The following SCN1A variants were observed in gnomAD, a reference collection of about 807,000 sequenced individuals.
The protein encoded by SCN1A is sodium voltage-gated channel alpha subunit 1.
SCN1A carries 13 observed loss-of-function variants against 193.7 expected under a neutral mutation model. That is an observed-to-expected ratio of 0.07 (90% CI 0.04 to 0.11). SCN1A has a LOEUF of 0.11. Ranked by LOEUF, SCN1A falls within the 10% of genes least tolerant of loss-of-function variation. SCN1A has a pLI of 1.00. For synonymous variants in SCN1A, 781 were observed against 843.6 expected (o/e 0.93, Z 1.29); for missense variants, 1,432 against 2,451.1 (o/e 0.58, Z 8.78).
chr2:166,079,111 A>G (rs1307544048), intron 2 of SCN1A, among the ~76,000 whole-genome samples: 1 of 151,648 alleles, frequency 6.6e-6, no homozygotes, highest in African/African-American at 2.4e-5. Context: ...TTATGCCTCA[A>G]TTATATTGAT....
intron 19 of SCN1A, among the ~76,000 whole-genome samples, chr2:166,026,564 T>C (rs1476274725): frequency 6.6e-6 from 1 of 152,188 alleles, no homozygotes; most frequent in African/African-American, 2.4e-5. Context: ...AATTAATTTT[T>C]CCTTTTTTGT....
intron 2 of SCN1A, among the ~76,000 whole-genome samples, chr2:166,099,546 C>G (rs1351727709): frequency 4.8e-4 from 58 of 120,718 alleles, no homozygotes; most frequent in African/African-American, 1.7e-3. Context: ...AAAGGGTATT[C>G]AATTAGGAAA....
chr2:166,012,872 C>G (rs1692722008), intron 21 of SCN1A, among the ~76,000 whole-genome samples: 2 of 150,958 alleles, frequency 1.3e-5, no homozygotes, highest in Admixed American at 6.6e-5. Flanking sequence ...TTATGAACCT[C>G]TCGATGTTTC....
At chr2:166,107,589 A>G (rs2106178725) in intron 2 of SCN1A, among the ~76,000 whole-genome samples, 1 of 152,326 alleles carries the variant, frequency 6.6e-6, no homozygotes, top group Non-Finnish European at 1.5e-5. Context: ...TAGATATCTG[A>G]CACATGTAAA....
At chr2:166,125,252 A>G (rs1418462582) in intron 2 of SCN1A, among the ~76,000 whole-genome samples, 1 of 152,186 alleles carries the variant, frequency 6.6e-6, no homozygotes, top group African/African-American at 2.4e-5. Context: ...ATTCTCTCCC[A>G]TCCTTCTCTG....
chr2:166,129,801 C>G (rs62177989), upstream of SCN1A, among the ~76,000 whole-genome samples: 68 of 152,188 alleles, frequency 4.5e-4, no homozygotes, highest in Admixed American at 1.8e-3. Flanking sequence ...ATTATAGGTG[C>G]CAATTTTTCT....
intron 19 of SCN1A, among the ~76,000 whole-genome samples, chr2:166,026,574 T>G (rs1168688660): frequency 6.6e-6 from 1 of 152,136 alleles, no homozygotes; most frequent in African/African-American, 2.4e-5. Context: ...TCCTTTTTTG[T>G]TCTTAGATTG....
chr2:166,027,629 TG>T (rs1360081828), intron 19 of SCN1A, among the ~76,000 whole-genome samples: 1 of 151,344 alleles, frequency 6.6e-6, no homozygotes, highest in Non-Finnish European at 1.5e-5. Context: ...AACATACACA[TG>T]TATATATTTA....
Position 166,043,692 on chromosome 2 carries a change from C to G in SCN1A, c.2020G>C (p.Asp674His), listed in dbSNP as rs1574214734. Residue 674 changes from aspartate (D) to histidine (H), a missense_variant, in exon 14 of 29, where the codon GAT becomes CAT. This residue lies in a region of SCN1A where 316 missense variants were observed against 362.1 expected (regional missense o/e 0.87). Coordinates refer to ENST00000674923, the MANE Select transcript of SCN1A (RefSeq NM_001165963.4). ...ACATTGTCATCAGTAGCTGGCTTAT[C>G]TATTATCACCTCTGGCAGAAGCTGT... ...VGQLLPEVII[D>H]KPATDDNGTT... The G allele has an allele frequency of 6.2e-7, 1 of 1,614,074 alleles. No homozygotes were observed. The highest frequency in any genetic ancestry group is 1.3e-5 in the African/African-American group (1 of 75,032).
chr2:166,138,005 T>A (rs1172838403), intron 1 of SCN1A, among the ~76,000 whole-genome samples: 1 of 152,192 alleles, frequency 6.6e-6, no homozygotes, highest in Non-Finnish European at 1.5e-5. Flanking sequence ...GCAAAGAGAC[T>A]GGTGGCATTT....
At chr2:166,094,461 A>G (rs1454750657) in intron 2 of SCN1A, among the ~76,000 whole-genome samples, 3 of 152,236 alleles carry the variant, frequency 2.0e-5, no homozygotes, top group Non-Finnish European at 4.4e-5. Context: ...TCACAGTTTT[A>G]TATGTCATTA....
chr2:165,997,969 T>C (rs1690307224), intron 26 of SCN1A, 69 bp downstream of exon 26: 10 of 1,275,726 alleles, frequency 7.8e-6, no homozygotes, highest in Non-Finnish European at 8.0e-6. Context: ...AAGTACTCAT[T>C]TGGCAGAGAA....
intron 2 of SCN1A, among the ~76,000 whole-genome samples, chr2:166,093,989 C>A (rs1479836211): frequency 6.6e-6 from 1 of 152,088 alleles, no homozygotes; most frequent in East Asian, 1.9e-4. Flanking sequence ...CATTGAGAAA[C>A]TGAGTCATTC....
At chr2:166,142,708 A>G (rs1194702209) in intron 1 of SCN1A, among the ~76,000 whole-genome samples, 1 of 152,174 alleles carries the variant, frequency 6.6e-6, no homozygotes, top group African/African-American at 2.4e-5. Flanking sequence ...TCACTGTTTC[A>G]CTTGCTGATA....
intron 2 of SCN1A, among the ~76,000 whole-genome samples, chr2:166,096,549 G>A (rs1483274000): frequency 1.3e-5 from 2 of 152,062 alleles, no homozygotes; most frequent in African/African-American, 4.8e-5. Context: ...CAAAGTGCTG[G>A]GATTACAGGC....
rs746651472 is a variant in SCN1A at position 165,991,620 on chromosome 2, T to C, written c.5655A>G (p.Leu1885=). Residue 1885 remains leucine, a synonymous_variant, in exon 29 of 29, where the codon CTA becomes CTG. Coordinates refer to ENST00000674923, the MANE Select transcript of SCN1A (RefSeq NM_001165963.4). ...VLGESGEMDA[L]RIQMEERFMA... The stretch of plus-strand genomic sequence containing the variant: ...TGAATCGCTCTTCCATCTGTATTCG[T>C]AGAGCATCCATCTCTCCACTCTCTC... The C allele has an allele frequency of 1.2e-6, 2 of 1,613,902 alleles. No homozygotes were observed. Among genetic ancestry groups the C allele is most frequent in the Non-Finnish European group, 1.7e-6 (2 of 1,179,904 alleles).
At chr2:166,007,677 T>TA (rs1239312707) in intron 23 of SCN1A, among the ~76,000 whole-genome samples, 1 of 151,438 alleles carries the variant, frequency 6.6e-6, no homozygotes, top group African/African-American at 2.4e-5. Flanking sequence ...TCAAGCACTG[T>TA]ACAACATGCT....
chr2:166,052,961 C>CACACAA lies in SCN1A; in HGVS notation c.603-24_603-19dup, dbSNP rs1698754023. On this transcript the variant is annotated intron_variant, in intron 7 of 28. Transcript: ENST00000674923. ...TGACGTACCTGTAATAGGGAGTTCA[C>CACACAA]ACACAAACACAAAAACAGGACACAA... 3.1e-6 allele frequency: 5 copies of CACACAA among 1,592,484 alleles called. No homozygotes were observed. Among genetic ancestry groups the CACACAA allele is most frequent in the African/African-American group, 2.7e-5 (2 of 74,376 alleles).
At chr2:166,116,888 A>G (rs1689928959) in intron 2 of SCN1A, among the ~76,000 whole-genome samples, 1 of 152,192 alleles carries the variant, frequency 6.6e-6, no homozygotes. Context: ...AAAGAAAAAG[A>G]TCTAATGGGA....
Sources: allele counts gnomAD v4.1 joint callset (sites outside exome capture counted in the v4.1 genomes callset), GRCh38; gene constraint gnomAD v4.1.1; regional missense constraint gnomAD v4.1.1; transcripts MANE v1.5; gene names NCBI Gene and HGNC (gene_info 2026-07-23, HGNC 2026-07-21).